Variants in ZFAND3 observed in about 807,000 individuals in gnomAD.
ZFAND3 encodes the protein zinc finger AN1-type containing 3.
Under a neutral mutation model 29.6 loss-of-function variants are expected in ZFAND3, and 10 were observed. The ratio of observed to expected loss-of-function variants is 0.34; its 90% CI spans 0.21 to 0.57. ZFAND3 has a LOEUF of 0.57. ZFAND3 is among the 20% of genes least tolerant of loss of function. The pLI is 0.86. For synonymous variants in ZFAND3, 128 were observed against 112.6 expected (o/e 1.14, Z -0.87); for missense variants, 230 against 304.5 (o/e 0.76, Z 1.82).
Position 38,056,032 on chromosome 6 carries a change from C to G in ZFAND3, c.113-5561C>G, listed in dbSNP as rs553427878. On this transcript the variant is annotated intron_variant, in intron 2 of 5. Coordinates refer to ENST00000287218, the MANE Select transcript of ZFAND3 (RefSeq NM_021943.3). ...GTAAGTCTTGTGCTATGGGAAATCA[C>G]AGAGTGCTGTGCCAATAGAATTTGA... Among the ~76,000 whole-genome samples, 7 of 152,308 alleles carry G rather than the reference C, an allele frequency of 4.6e-5. No individual in the cohort carries two copies. The South Asian group carries it at 1.5e-3, about 32-fold the overall frequency.
intron 2 of ZFAND3, among the ~76,000 whole-genome samples, chr6:38,029,046 A>G (rs1168269930): frequency 6.6e-6 from 1 of 152,206 alleles, no homozygotes; most frequent in Non-Finnish European, 1.5e-5. Context: ...TGGAAGAAAA[A>G]TAAGTTAGTA....
At chr6:37,868,705 C>G (rs759723975) in intron 1 of ZFAND3, among the ~76,000 whole-genome samples, 1 of 152,162 alleles carries the variant, frequency 6.6e-6, no homozygotes, top group Non-Finnish European at 1.5e-5. Context: ...ACCTTACATT[C>G]CTGTGATAAA....
In ZFAND3 at chr6:38,153,032, C is replaced by G. The variant is rs545903309; in HGVS notation, c.*643C>G. On this transcript the variant is annotated 3_prime_UTR_variant, in exon 6 of 6. Coordinates refer to ENST00000287218, the MANE Select transcript of ZFAND3 (RefSeq NM_021943.3). Reference sequence around the variant, plus strand: ...AAAACTCATCACACAAGAAGAGAAACAGTAACCTCACTTTGAAAATTAGCT... The same window carrying G: ...AAAACTCATCACACAAGAAGAGAAAGAGTAACCTCACTTTGAAAATTAGCT... 6 of 985,836 alleles carry G rather than the reference C, an allele frequency of 6.1e-6. No homozygotes were observed. The East Asian group carries it at 6.8e-4, about 112-fold the overall frequency. 61.1% of individuals were successfully genotyped at this position (985,836 alleles called of 1,614,324 possible).
At chr6:38,111,509 A>G (rs1765315520) in intron 4 of ZFAND3, among the ~76,000 whole-genome samples, 1 of 152,136 alleles carries the variant, frequency 6.6e-6, no homozygotes, top group Non-Finnish European at 1.5e-5. Context: ...CATCCCAGAA[A>G]CTGCAAGACC....
intron 2 of ZFAND3, among the ~76,000 whole-genome samples, chr6:38,004,534 TACACACACAC>T (rs56068930): frequency 2.0e-5 from 3 of 147,344 alleles, no homozygotes; most frequent in South Asian, 2.2e-4. Context: ...TAAAGCTGTC[TACACACACAC>T]ACACACACAC....
At chr6:37,986,295 T>A (rs1431822878) in intron 2 of ZFAND3, among the ~76,000 whole-genome samples, 2 of 152,304 alleles carry the variant, frequency 1.3e-5, no homozygotes, top group Non-Finnish European at 1.5e-5. Flanking sequence ...TCACTTACAT[T>A]ACCTGCCTTA....
At chr6:37,873,139 C>T (rs1213479365) in intron 1 of ZFAND3, among the ~76,000 whole-genome samples, 3 of 152,104 alleles carry the variant, frequency 2.0e-5, no homozygotes, top group African/African-American at 7.2e-5. Flanking sequence ...GGCGCGGTGG[C>T]GGGTGCCTGT....
chr6:38,121,042 T>A (rs1765523730), intron 5 of ZFAND3, among the ~76,000 whole-genome samples: 1 of 152,178 alleles, frequency 6.6e-6, no homozygotes, highest in Non-Finnish European at 1.5e-5. Context: ...GAGCTTACAG[T>A]CTAAATCTGT....
chr6:38,013,403 C>T (rs73417963), intron 2 of ZFAND3, among the ~76,000 whole-genome samples: 10,379 of 152,210 alleles, frequency 0.068, 427 homozygotes, highest in Non-Finnish European at 0.087. Flanking sequence ...CAAATACATT[C>T]CATGTTCTTA....
chr6:37,824,067 C>T (rs184003556), intron 1 of ZFAND3, among the ~76,000 whole-genome samples: 121 of 152,342 alleles, frequency 7.9e-4, no homozygotes, highest in African/African-American at 2.7e-3. Context: ...TGAGCCACCG[C>T]GCCTGGCCGG....
chr6:37,862,722 A>G (rs1764515710), intron 1 of ZFAND3, among the ~76,000 whole-genome samples: 1 of 150,594 alleles, frequency 6.6e-6, no homozygotes, highest in South Asian at 2.1e-4. Flanking sequence ...ACAAAACAAA[A>G]CAAAAAAAAA....
intron 2 of ZFAND3, among the ~76,000 whole-genome samples, chr6:38,039,834 T>G (rs994944933): frequency 6.6e-5 from 10 of 152,288 alleles, no homozygotes; most frequent in African/African-American, 2.2e-4. Flanking sequence ...TGACTAATAT[T>G]AAAATGAATT....
intron 2 of ZFAND3, among the ~76,000 whole-genome samples, chr6:38,025,316 G>A (rs1763426792): frequency 1.3e-5 from 2 of 152,214 alleles, no homozygotes; most frequent in Middle Eastern, 3.4e-3. Flanking sequence ...ATTACTGGTG[G>A]TACTTTCACC....
rs1264426108 is a variant in ZFAND3 at position 37,863,606 on chromosome 6, A to G, written c.71+43590A>G. ...ATTGCTTAACAGTTTTAGGTTTCACAGGTTTTTTTTTTTTTCTTTTTCAGT... is the reference window on the plus strand; with the variant it reads ...ATTGCTTAACAGTTTTAGGTTTCACGGGTTTTTTTTTTTTTCTTTTTCAGT... On this transcript the variant is annotated intron_variant, in intron 1 of 5. Transcript: ENST00000287218. Among the ~76,000 whole-genome samples, 8 of 148,814 alleles carry G rather than the reference A, an allele frequency of 5.4e-5. No homozygotes were observed. The East Asian group carries it at 9.9e-4, about 18-fold the overall frequency.
At chr6:37,942,264 T>G (rs1275474989) in intron 2 of ZFAND3, among the ~76,000 whole-genome samples, 1 of 144,234 alleles carries the variant, frequency 6.9e-6, no homozygotes, top group Admixed American at 6.9e-5. Context: ...AAAGATCATA[T>G]ATATATATTT....
chr6:38,041,701 TCC>T (rs1561976837), intron 2 of ZFAND3, among the ~76,000 whole-genome samples: 77 of 442 alleles, frequency 0.17, 12 homozygotes, highest in African/African-American at 0.22. Flanking sequence ...CTCCTTCTCC[TCC>T]TCCTCCTCCT....
intron 2 of ZFAND3, among the ~76,000 whole-genome samples, chr6:38,005,712 C>G (rs1054858370): frequency 1.3e-5 from 2 of 152,034 alleles, no homozygotes; most frequent in Admixed American, 6.5e-5. Flanking sequence ...GATGACTTGC[C>G]AAGAGAAATC....
chr6:37,943,612 A>T (rs1363653025), intron 2 of ZFAND3, among the ~76,000 whole-genome samples: 2 of 152,166 alleles, frequency 1.3e-5, no homozygotes, highest in Non-Finnish European at 2.9e-5. Context: ...AAGCTGGGTT[A>T]TTCATTTCTC....
At chr6:37,907,417 A>T (rs1765428556) in intron 1 of ZFAND3, among the ~76,000 whole-genome samples, 1 of 152,166 alleles carries the variant, frequency 6.6e-6, no homozygotes, top group Non-Finnish European at 1.5e-5. Flanking sequence ...CCCCTTGGTG[A>T]ACACTGATGC....
Sources: allele counts gnomAD v4.1 joint callset (sites outside exome capture counted in the v4.1 genomes callset), GRCh38; gene constraint gnomAD v4.1.1; transcripts MANE v1.5; gene names NCBI Gene and HGNC (gene_info 2026-07-23, HGNC 2026-07-21).